Variants in OPCML observed in about 807,000 individuals in gnomAD.
OPCML encodes opioid binding protein/cell adhesion molecule like.
Under a neutral mutation model 37.8 loss-of-function variants are expected in OPCML, and 13 were observed. The ratio of observed to expected loss-of-function variants is 0.34; its 90% CI spans 0.22 to 0.55. OPCML has a LOEUF of 0.55. Ranked by LOEUF, OPCML falls within the 20% of genes least tolerant of loss-of-function variation. The probability of loss-of-function intolerance (pLI) is 0.91; values close to 1 mark genes in which losing one functional copy is unlikely to be tolerated. For missense variants in OPCML, 341 were observed against 435.6 expected, an observed-to-expected ratio of 0.78 and a Z score of 1.93; for synonymous variants, 176 against 168.8, an observed-to-expected ratio of 1.04 and a Z score of -0.33.
intron 1 of OPCML, among the ~76,000 whole-genome samples, chr11:133,261,357 C>A (rs527591039): frequency 3.3e-5 from 5 of 152,334 alleles, no homozygotes; most frequent in East Asian, 3.9e-4. Context: ...TCTGTCCCCC[C>A]CATCTTTCCA....
At chr11:133,492,192 G>GT (rs1188616848) in intron 1 of OPCML, among the ~76,000 whole-genome samples, 1 of 152,060 alleles carries the variant, frequency 6.6e-6, no homozygotes, top group Non-Finnish European at 1.5e-5. Context: ...GAAGGGAAGA[G>GT]GGGGAGTGGG....
chr11:133,311,674 C>A (rs1292830841), intron 1 of OPCML, among the ~76,000 whole-genome samples: 1 of 152,190 alleles, frequency 6.6e-6, no homozygotes, highest in South Asian at 2.1e-4. Context: ...AGGCTGGCCA[C>A]CCACAGGAGT....
chr11:132,736,429 A>G (rs755310583), intron 2 of OPCML, among the ~76,000 whole-genome samples: 1 of 152,202 alleles, frequency 6.6e-6, no homozygotes, highest in Non-Finnish European at 1.5e-5. Flanking sequence ...ATGAATGGTT[A>G]AGGGACAGAG....
intron 1 of OPCML, among the ~76,000 whole-genome samples, chr11:132,970,462 A>T (rs959563759): frequency 7.9e-5 from 12 of 152,220 alleles, no homozygotes; most frequent in African/African-American, 1.7e-4. Flanking sequence ...TGAGAACTCC[A>T]GAATCATATT....
intron 1 of OPCML, among the ~76,000 whole-genome samples, chr11:133,276,564 T>A (rs1455703027): frequency 6.6e-6 from 1 of 152,218 alleles, no homozygotes; most frequent in East Asian, 1.9e-4. Flanking sequence ...AGCGTAATAT[T>A]GAAAAACAGA....
intron 7 of OPCML, among the ~76,000 whole-genome samples, chr11:132,423,930 G>C (rs1292865377): frequency 6.6e-6 from 1 of 152,166 alleles, no homozygotes; most frequent in East Asian, 1.9e-4. Flanking sequence ...GAGTCAGATT[G>C]AGTACAGTTT....
chr11:133,191,103 A>G (rs2382620), intron 1 of OPCML, among the ~76,000 whole-genome samples: 22,405 of 151,978 alleles, frequency 0.15, 1,694 homozygotes, highest in Admixed American at 0.2. Flanking sequence ...TCATTTTCCT[A>G]TATACGAGGT....
intron 1 of OPCML, among the ~76,000 whole-genome samples, chr11:133,397,431 A>G (rs1373241785): frequency 6.6e-6 from 1 of 152,242 alleles, no homozygotes; most frequent in Non-Finnish European, 1.5e-5. Context: ...ACAGGAAAAA[A>G]TCATCCCTGT....
At chr11:132,979,045 T>C (rs1261399921) in intron 1 of OPCML, among the ~76,000 whole-genome samples, 2 of 152,158 alleles carry the variant, frequency 1.3e-5, no homozygotes, top group Non-Finnish European at 2.9e-5. Flanking sequence ...AACTTTGGAA[T>C]CAGCCTTGAC....
chr11:132,881,831 G>C (rs1000693295), intron 2 of OPCML, among the ~76,000 whole-genome samples: 60 of 152,164 alleles, frequency 3.9e-4, no homozygotes, highest in African/African-American at 1.3e-3. Flanking sequence ...AGATAAGAGA[G>C]AACCATCTAA....
intron 2 of OPCML, among the ~76,000 whole-genome samples, chr11:132,896,463 G>A (rs552705317): frequency 1.2e-4 from 19 of 152,302 alleles, no homozygotes; most frequent in African/African-American, 2.6e-4. Flanking sequence ...GCACTCAACC[G>A]TCAAAGACAA....
In OPCML at chr11:132,583,263, T is replaced by G. The variant is rs149457453; in HGVS notation, c.380-54077A>C. ...ATTACAGTTTTAAAAGAAAGTTTGT[T>G]TGATCCAAGATTATTATGCTTAGGC... On this transcript the variant is annotated intron_variant, in intron 3 of 7. Coordinates refer to ENST00000524381, the MANE Select transcript of OPCML (RefSeq NM_001012393.5). 6.5e-4 allele frequency among the ~76,000 whole-genome samples: 99 copies of G among 152,150 alleles called. 1 individual carries two copies. Among genetic ancestry groups the G allele is most frequent in the African/African-American group, 2.2e-3 (92 of 41,526 alleles).
intron 1 of OPCML, among the ~76,000 whole-genome samples, chr11:133,159,594 G>A (rs964921508): frequency 2.6e-5 from 4 of 152,166 alleles, no homozygotes; most frequent in Non-Finnish European, 5.9e-5. Context: ...CAAGTCATGC[G>A]GCCAATCTTG....
At chr11:133,026,284 A>G (rs866990124) in intron 1 of OPCML, 1 of 819,748 alleles carries the variant, frequency 1.2e-6, no homozygotes, top group Middle Eastern at 6.2e-4. Context: ...AAAATGGTCA[A>G]AATGGATTTG....
At chr11:132,901,914 A>C (rs1944076679) in intron 2 of OPCML, among the ~76,000 whole-genome samples, 1 of 152,204 alleles carries the variant, frequency 6.6e-6, no homozygotes, top group Non-Finnish European at 1.5e-5. Flanking sequence ...TTGGTACTTA[A>C]AGAAATCCTC....
intron 6 of OPCML, 41 bp from the exon 7 acceptor site, chr11:132,436,278 G>A: frequency 6.2e-7 from 1 of 1,613,706 alleles, no homozygotes; most frequent in Non-Finnish European, 8.5e-7. Flanking sequence ...ATTCTACAAA[G>A]AGGCCCTCCT....
At chr11:133,254,363 T>C (rs1370754971) in intron 1 of OPCML, among the ~76,000 whole-genome samples, 1 of 152,336 alleles carries the variant, frequency 6.6e-6, no homozygotes, top group Non-Finnish European at 1.5e-5. Context: ...ACAAGAGTAC[T>C]GCCAATCATT....
intron 1 of OPCML, among the ~76,000 whole-genome samples, chr11:133,166,437 T>C (rs182756275): frequency 1.1e-3 from 160 of 152,358 alleles, no homozygotes; most frequent in Middle Eastern, 6.8e-3. Flanking sequence ...ATGGCAGAGC[T>C]GGGAGTCAGG....
chr11:133,426,689 C>G, intron 1 of OPCML, among the ~76,000 whole-genome samples: 1 of 152,290 alleles, frequency 6.6e-6, no homozygotes, highest in East Asian at 1.9e-4. Context: ...AGAAACACAG[C>G]GAGAGAGCAG....
Sources: gnomAD v4.1 joint callset for allele counts (sites outside exome capture counted in the v4.1 genomes callset) on GRCh38, gnomAD v4.1.1 for gene constraint, MANE v1.5 for transcripts, NCBI Gene and HGNC (gene_info 2026-07-23, HGNC 2026-07-21) for gene names.